MAGI2: variants seen among roughly 807,000 people sequenced by gnomAD.
MAGI2 encodes membrane-associated guanylate kinase, WW and PDZ domain-containing protein 2.
MAGI2 carries 35 observed loss-of-function variants against 133.3 expected under a neutral mutation model. That is an observed-to-expected ratio of 0.26 (90% confidence interval 0.20 to 0.35). MAGI2 has a LOEUF of 0.35. Among genes scored for constraint, MAGI2 ranks in the 10% least tolerant of loss-of-function variants. The pLI is 1.00. For synonymous variants in MAGI2, 729 were observed against 710.6 expected (o/e 1.03, Z -0.41); for missense variants, 1,636 against 1,863.4 (o/e 0.88, Z 2.25).
At chr7:79,158,363 T>TA (rs1824023476) in intron 1 of MAGI2, among the ~76,000 whole-genome samples, 1 of 152,050 alleles carries the variant, frequency 6.6e-6, no homozygotes, top group African/African-American at 2.4e-5. Context: ...TCAGATACTT[T>TA]AAAAAAAGAC....
chr7:78,546,573 T>G (rs933772465), intron 3 of MAGI2, among the ~76,000 whole-genome samples: 2 of 152,180 alleles, frequency 1.3e-5, no homozygotes, highest in African/African-American at 2.4e-5. Context: ...ATTAAACAAT[T>G]GACTGTGTTG....
At chr7:78,939,395 C>T (rs183077587) in intron 2 of MAGI2, among the ~76,000 whole-genome samples, 12 of 152,148 alleles carry the variant, frequency 7.9e-5, no homozygotes, top group Admixed American at 4.6e-4. Flanking sequence ...CATAAAGAGA[C>T]GGGGCTGAAT....
intron 18 of MAGI2, among the ~76,000 whole-genome samples, chr7:78,132,077 G>A (rs543048479): frequency 2.6e-5 from 4 of 152,202 alleles, no homozygotes; most frequent in African/African-American, 4.8e-5. Flanking sequence ...GTTTCACCAC[G>A]TTGCTCAGGC....
intron 4 of MAGI2, among the ~76,000 whole-genome samples, chr7:78,517,470 A>G (rs1275402855): frequency 6.6e-6 from 1 of 152,188 alleles, no homozygotes; most frequent in Non-Finnish European, 1.5e-5. Context: ...TCGCCAGTAA[A>G]TAAACTTTTA....
chr7:78,449,899 C>T (rs17431866), intron 6 of MAGI2, among the ~76,000 whole-genome samples: 9,116 of 152,118 alleles, frequency 0.06, 353 homozygotes, highest in Non-Finnish European at 0.078. Flanking sequence ...AGTTTCTTTG[C>T]ACTTCAAATC....
At chr7:78,341,622 T>C (rs1189857593) in intron 9 of MAGI2, among the ~76,000 whole-genome samples, 1 of 151,536 alleles carries the variant, frequency 6.6e-6, no homozygotes. Context: ...CACAGGCCAA[T>C]GGAACAGAAC....
chr7:78,110,412 A>AG (rs1819236717), intron 20 of MAGI2, among the ~76,000 whole-genome samples: 1 of 152,186 alleles, frequency 6.6e-6, no homozygotes, highest in Non-Finnish European at 1.5e-5. Flanking sequence ...GCATAACAAC[A>AG]ACTCGTGACT....
At chr7:79,146,913 T>A (rs1185051859) in intron 1 of MAGI2, among the ~76,000 whole-genome samples, 1 of 152,212 alleles carries the variant, frequency 6.6e-6, no homozygotes, top group Non-Finnish European at 1.5e-5. Flanking sequence ...CGTCTTTCTG[T>A]CCTAATAGAC....
intron 6 of MAGI2, among the ~76,000 whole-genome samples, chr7:78,435,563 T>A (rs1800206303): frequency 1.3e-5 from 2 of 152,054 alleles, no homozygotes; most frequent in Admixed American, 1.3e-4. Context: ...CACACACAAG[T>A]GGGCTCACAA....
chr7:78,480,873 A>G (rs183832855), intron 6 of MAGI2, among the ~76,000 whole-genome samples: 6 of 152,050 alleles, frequency 3.9e-5, no homozygotes, highest in African/African-American at 1.4e-4. Flanking sequence ...AACGTGCCAT[A>G]TATTTTTGCT....
chr7:79,419,495 A>G (rs1415157235), intron 1 of MAGI2, among the ~76,000 whole-genome samples: 1 of 152,012 alleles, frequency 6.6e-6, no homozygotes, highest in Non-Finnish European at 1.5e-5. Flanking sequence ...AAGTAGGGAC[A>G]AAATGTGAGA....
intron 5 of MAGI2, among the ~76,000 whole-genome samples, chr7:78,497,289 T>C (rs1364596957): frequency 1.3e-5 from 2 of 152,192 alleles, no homozygotes; most frequent in Non-Finnish European, 2.9e-5. Flanking sequence ...TGTGTTCACT[T>C]GAAATTTAAA....
intron 3 of MAGI2, among the ~76,000 whole-genome samples, chr7:78,555,604 T>C (rs1799756492): frequency 6.6e-6 from 1 of 152,216 alleles, no homozygotes; most frequent in Admixed American, 6.5e-5. Context: ...TGAAGGCTTA[T>C]TGTCTGCACT....
At chr7:78,657,452 T>C (rs1183207784) in intron 2 of MAGI2, among the ~76,000 whole-genome samples, 2 of 152,178 alleles carry the variant, frequency 1.3e-5, no homozygotes, top group African/African-American at 2.4e-5. Flanking sequence ...ATGGATAAAC[T>C]GTGGCACATC....
At chr7:79,348,891 G>C (rs1841501441) in intron 1 of MAGI2, among the ~76,000 whole-genome samples, 2 of 151,862 alleles carry the variant, frequency 1.3e-5, no homozygotes, top group Admixed American at 1.3e-4. Context: ...AAAAAATTAT[G>C]CAATGCAGAG....
chr7:79,130,950 CTCATTCAT>C (rs368955211), intron 1 of MAGI2, among the ~76,000 whole-genome samples: 3 of 151,948 alleles, frequency 2.0e-5, no homozygotes, highest in African/African-American at 7.3e-5. Context: ...CATTCACTCA[CTCATTCAT>C]TCATTCATTC....
chr7:78,314,042 T>A (rs1019013850), intron 9 of MAGI2, among the ~76,000 whole-genome samples: 1 of 152,142 alleles, frequency 6.6e-6, no homozygotes, highest in African/African-American at 2.4e-5. Flanking sequence ...TTAAAAAGAT[T>A]AATCAAACAT....
chr7:78,162,959 T>C (rs1441027320), intron 15 of MAGI2, among the ~76,000 whole-genome samples: 1 of 152,172 alleles, frequency 6.6e-6, no homozygotes, highest in Non-Finnish European at 1.5e-5. Flanking sequence ...AGCCTTGTTT[T>C]ATAATAATAT....
At chr7:78,245,278 T>C (rs996848859) in intron 10 of MAGI2, among the ~76,000 whole-genome samples, 2 of 152,240 alleles carry the variant, frequency 1.3e-5, no homozygotes, top group African/African-American at 4.8e-5. Context: ...ATTTATGTTA[T>C]TTATTTTTTG....
Sources: gnomAD v4.1 joint callset for allele counts (sites outside exome capture counted in the v4.1 genomes callset) on GRCh38, gnomAD v4.1.1 for gene constraint, MANE v1.5 for transcripts, NCBI Gene and HGNC (gene_info 2026-07-23, HGNC 2026-07-21) for gene names.